AGMO: variants seen among roughly 807,000 people sequenced by gnomAD.
AGMO encodes the protein alkylglycerol monooxygenase, also known as glyceryl-ether monooxygenase.
Under a neutral mutation model 60.2 loss-of-function variants are expected in AGMO, and 75 were observed. The observed-to-expected ratio is 1.25, with a 90% CI of 1.03 to 1.51. The LOEUF (loss-of-function observed/expected upper bound fraction) is 1.51, where lower values mean the gene tolerates loss of function less well. AGMO is among the 40% of genes most tolerant of loss of function. The pLI is 0.00. For synonymous variants in AGMO, 261 were observed against 177.1 expected (o/e 1.47, Z -3.76); for missense variants, 763 against 525.5 (o/e 1.45, Z -4.42).
intron 3 of AGMO, among the ~76,000 whole-genome samples, chr7:15,444,087 G>A (rs1036356706): frequency 6.6e-5 from 10 of 152,072 alleles, no homozygotes; most frequent in Admixed American, 5.9e-4. Context: ...TTAATGAGAG[G>A]GAACTTATTC....
At chr7:15,493,362 C>CACACCT (rs71004386) in intron 3 of AGMO, among the ~76,000 whole-genome samples, 1 of 102,264 alleles carries the variant, frequency 9.8e-6, no homozygotes, top group Non-Finnish European at 1.8e-5. Flanking sequence ...CACACACACA[C>CACACCT]TTCTTTTTTT....
chr7:15,530,260 G>GATATTCTATATACGTATTTCCATATAT lies in AGMO; in HGVS notation c.409+14485_409+14511dup, dbSNP rs1562555533. Among the ~76,000 whole-genome samples the GATATTCTATATACGTATTTCCATATAT allele has an allele frequency of 6.0e-4, 12 of 19,978 alleles. 2 individuals are homozygous for GATATTCTATATACGTATTTCCATATAT. The highest frequency in any genetic ancestry group is 3.2e-3 in the African/African-American group (12 of 3,770). The allele number at this position is 19,978 out of a possible 152,430, so 13.1% of individuals were successfully genotyped here. Reference sequence around the variant, plus strand: ...TATTCTATATACGTATTTCCATATAGATATTCTATATACGTATTTCCATAT... The same window carrying GATATTCTATATACGTATTTCCATATAT: ...TATTCTATATACGTATTTCCATATAGATATTCTATATACGTATTTCCATATATATATTCTATATACGTATTTCCATAT... On this transcript the variant is annotated intron_variant, in intron 3 of 12. Coordinates refer to ENST00000342526, the MANE Select transcript of AGMO (RefSeq NM_001004320.2).
chr7:15,537,099 A>C (rs977933236), intron 3 of AGMO, among the ~76,000 whole-genome samples: 2 of 152,060 alleles, frequency 1.3e-5, no homozygotes, highest in Non-Finnish European at 2.9e-5. Context: ...TTCAAACTTA[A>C]GTGTTTTCCC....
chr7:15,357,320 T>C (rs1782577753), intron 12 of AGMO, among the ~76,000 whole-genome samples: 3 of 152,048 alleles, frequency 2.0e-5, no homozygotes, highest in Admixed American at 6.6e-5. Flanking sequence ...ATTCATCTTG[T>C]AGCCAGATAA....
In AGMO at chr7:15,219,809, G is replaced by A. The variant is rs532936493; in HGVS notation, c.1264-18450C>T. ...AAGATGGATTTAAAGGATTTGAGGGGATTACACTGTGAAAGTGAATGAGTT... is the reference window on the plus strand; with the variant it reads ...AAGATGGATTTAAAGGATTTGAGGGAATTACACTGTGAAAGTGAATGAGTT... On this transcript the variant is annotated intron_variant, in intron 12 of 12. Transcript: ENST00000342526. 4.6e-5 allele frequency among the ~76,000 whole-genome samples: 7 copies of A among 152,176 alleles called. No homozygotes were observed. The East Asian group carries it at 9.7e-4, about 21-fold the overall frequency.
chr7:15,148,075 T>G, the AGMO span, among the ~76,000 whole-genome samples: 2 of 152,130 alleles, frequency 1.3e-5, no homozygotes, highest in African/African-American at 2.4e-5. Context: ...AGTATTAATT[T>G]TATTTTTAAA....
intron 10 of AGMO, among the ~76,000 whole-genome samples, chr7:15,373,176 G>A (rs924693272): frequency 1.3e-5 from 2 of 151,894 alleles, no homozygotes; most frequent in African/African-American, 2.4e-5. Context: ...TACTTGGGAG[G>A]TTAAGGCACA....
chr7:15,367,033 ATTGT>A (rs1273267536), intron 10 of AGMO, among the ~76,000 whole-genome samples: 2 of 151,940 alleles, frequency 1.3e-5, no homozygotes, highest in African/African-American at 2.4e-5. Flanking sequence ...GTCTTTTTTT[ATTGT>A]TTAAAATTCT....
intron 12 of AGMO, among the ~76,000 whole-genome samples, chr7:15,277,179 G>T (rs1783822198): frequency 6.6e-6 from 1 of 151,976 alleles, no homozygotes; most frequent in African/African-American, 2.4e-5. Context: ...ATGGTGGTGG[G>T]TGCCTGTAAA....
At chr7:15,306,404 A>G (rs537945351) in intron 12 of AGMO, 44 of 382,902 alleles carry the variant, frequency 1.1e-4, no homozygotes, top group African/African-American at 8.6e-4. Context: ...TTTTCAAGCT[A>G]CAAAAAAATA....
chr7:15,182,747 G>C, the AGMO span, among the ~76,000 whole-genome samples: 1 of 152,062 alleles, frequency 6.6e-6, no homozygotes, highest in African/African-American at 2.4e-5. Context: ...AATGGGTTCC[G>C]ACATTGCTAT....
intron 12 of AGMO, among the ~76,000 whole-genome samples, chr7:15,223,920 G>A (rs901624075): frequency 7.9e-5 from 12 of 152,024 alleles, no homozygotes; most frequent in African/African-American, 2.2e-4. Flanking sequence ...ATTGGGAAAT[G>A]TTCCAAAAAT....
intron 2 of AGMO, among the ~76,000 whole-genome samples, chr7:15,555,270 C>CAT (rs375890408): frequency 0.012 from 1,348 of 113,824 alleles, 21 homozygotes; most frequent in African/African-American, 0.021. Flanking sequence ...TGTATTGGAT[C>CAT]ATATATATAT....
At chr7:15,425,050 A>G (rs1177608524) in intron 4 of AGMO, among the ~76,000 whole-genome samples, 2 of 152,212 alleles carry the variant, frequency 1.3e-5, no homozygotes, top group Non-Finnish European at 2.9e-5. Flanking sequence ...AATATCACAC[A>G]TAAGAATCAT....
At chr7:15,307,231 C>T (rs187584233) in intron 12 of AGMO, among the ~76,000 whole-genome samples, 54 of 151,954 alleles carry the variant, frequency 3.6e-4, no homozygotes, top group African/African-American at 1.1e-3. Flanking sequence ...GACTGTTCTG[C>T]GGCCATAAAA....
chr7:15,364,471 G>A (rs1343363967), intron 12 of AGMO, among the ~76,000 whole-genome samples: 2 of 151,924 alleles, frequency 1.3e-5, no homozygotes, highest in Non-Finnish European at 2.9e-5. Context: ...TATTATAGAT[G>A]CATATTTTAC....
At position 15,298,126 on chromosome 7, in the gene AGMO, C is replaced by T. The variant is rs186806946; in HGVS notation, c.1263+67388G>A. ...GTTATGTTATGTCCTCTTTGTTTAT[C>T]TTTAAAACTGAGAAACAGATAGACT... On this transcript the variant is annotated intron_variant, in intron 12 of 12. Transcript: ENST00000342526. Among the ~76,000 whole-genome samples, 841 of 152,206 alleles carry T rather than the reference C, an allele frequency of 5.5e-3. 11 individuals are homozygous for T. Among genetic ancestry groups the T allele is most frequent in the African/African-American group, 0.019 (801 of 41,544 alleles).
intron 3 of AGMO, among the ~76,000 whole-genome samples, chr7:15,437,783 G>A (rs932500641): frequency 5.3e-5 from 8 of 151,984 alleles, no homozygotes; most frequent in Non-Finnish European, 1.0e-4. Flanking sequence ...CTCGTGATCC[G>A]CCCGCCTCGG....
intron 3 of AGMO, among the ~76,000 whole-genome samples, chr7:15,464,042 T>G (rs954616545): frequency 2.6e-5 from 4 of 152,182 alleles, no homozygotes; most frequent in African/African-American, 9.7e-5. Flanking sequence ...TCAATAATAT[T>G]CTCTAGTAAT....
Sources: allele counts gnomAD v4.1 joint callset (sites outside exome capture counted in the v4.1 genomes callset), GRCh38; gene constraint gnomAD v4.1.1; transcripts MANE v1.5; gene names NCBI Gene and HGNC (gene_info 2026-07-23, HGNC 2026-07-21).